SOCS6: variants seen among roughly 807,000 people sequenced by gnomAD.
The protein encoded by SOCS6 is suppressor of cytokine signaling 6, also known as STAT induced STAT inhibitor-4.
A neutral mutation model predicts 27.7 loss-of-function variants in SOCS6; 5 were observed. That is an observed-to-expected ratio of 0.18 (90% CI 0.09 to 0.38). The LOEUF is 0.38. Ranked by LOEUF, SOCS6 falls within the 10% of genes least tolerant of loss-of-function variation. The probability of loss-of-function intolerance (pLI) is 1.00; values close to 1 mark genes in which losing one functional copy is unlikely to be tolerated. For missense variants in SOCS6, 595 were observed against 688.1 expected (o/e 0.86, Z 1.51); for synonymous variants, 271 against 260.0 (o/e 1.04, Z -0.41).
intron 1 of SOCS6, among the ~76,000 whole-genome samples, chr18:70,310,422 T>C (rs989869808): frequency 6.6e-5 from 10 of 151,290 alleles, no homozygotes; most frequent in African/African-American, 2.2e-4. Flanking sequence ...GCTGGGACTA[T>C]AGGTATTCGT....
At chr18:70,307,471 GA>G (rs1042355475) in intron 1 of SOCS6, among the ~76,000 whole-genome samples, 25 of 152,250 alleles carry the variant, frequency 1.6e-4, no homozygotes, top group African/African-American at 6.0e-4. Flanking sequence ...GAAGCCACCC[GA>G]GCCTGACCTT....
intron 1 of SOCS6, among the ~76,000 whole-genome samples, chr18:70,316,375 A>G (rs1442582450): frequency 2.6e-5 from 4 of 152,170 alleles, no homozygotes; most frequent in African/African-American, 9.7e-5. Flanking sequence ...GTTCTTGAAA[A>G]GGAGATGTGT....
chr18:70,301,698 C>A (rs1281024906), intron 1 of SOCS6, among the ~76,000 whole-genome samples: 1 of 152,088 alleles, frequency 6.6e-6, no homozygotes, highest in Admixed American at 6.5e-5. Context: ...GTGTCATGAG[C>A]ATGAGTGAAA....
chr18:70,295,294 C>G lies in SOCS6; in HGVS notation c.-127+6204C>G, dbSNP rs759581730. Among the ~76,000 whole-genome samples, 59 of 152,186 alleles carry G rather than the reference C, an allele frequency of 3.9e-4. 1 individual carries two copies. Among genetic ancestry groups the G allele is most frequent in the Non-Finnish European group, 1.2e-4 (8 of 68,032 alleles). On this transcript the variant is annotated intron_variant, in intron 1 of 1. Transcript: ENST00000397942. Reference sequence around the variant, plus strand: ...AGACAAGGTATTTTTACCCAGCGCTCTGGGTAGCTGATTATTTGGTGCTGT... The same window carrying G: ...AGACAAGGTATTTTTACCCAGCGCTGTGGGTAGCTGATTATTTGGTGCTGT...
At chr18:70,324,302 AAATAAT>A (rs560395562) in intron 1 of SOCS6, among the ~76,000 whole-genome samples, 5 of 150,198 alleles carry the variant, frequency 3.3e-5, no homozygotes, top group African/African-American at 5.0e-5. Context: ...ACTCATCTCA[AAATAAT>A]AATAATAATA....
intron 1 of SOCS6, among the ~76,000 whole-genome samples, chr18:70,307,139 TGTA>T (rs1247229629): frequency 6.6e-6 from 1 of 152,162 alleles, no homozygotes; most frequent in Non-Finnish European, 1.5e-5. Context: ...GGTGCGTGCC[TGTA>T]GTCCCAGCTA....
At chr18:70,302,777 A>T (rs2062354053) in intron 1 of SOCS6, among the ~76,000 whole-genome samples, 1 of 152,200 alleles carries the variant, frequency 6.6e-6, no homozygotes, top group African/African-American at 2.4e-5. Context: ...AGTATAAAAA[A>T]AAAATTTAAG....
intron 1 of SOCS6, among the ~76,000 whole-genome samples, chr18:70,296,867 C>T (rs553334208): frequency 6.7e-6 from 1 of 148,790 alleles, no homozygotes; most frequent in Admixed American, 6.7e-5. Context: ...ATTAAAATGA[C>T]TTTTATAATT....
intron 1 of SOCS6, among the ~76,000 whole-genome samples, chr18:70,292,513 A>AT (rs370169050): frequency 9.9e-5 from 15 of 151,872 alleles, no homozygotes; most frequent in East Asian, 1.9e-4. Flanking sequence ...TGCCCAGCTG[A>AT]TTTTTTTTAA....
chr18:70,321,051 AG>A, intron 1 of SOCS6, among the ~76,000 whole-genome samples: 1 of 152,088 alleles, frequency 6.6e-6, no homozygotes, highest in Admixed American at 6.5e-5. Context: ...CTGAGGTAGG[AG>A]GATTGCTTGA....
intron 1 of SOCS6, among the ~76,000 whole-genome samples, chr18:70,313,462 C>G (rs527946822): frequency 6.6e-6 from 1 of 152,102 alleles, no homozygotes; most frequent in Admixed American, 6.5e-5. Context: ...TTCTGCAGTG[C>G]AAGCCTTCTA....
At chr18:70,293,678 T>C (rs1445463878) in intron 1 of SOCS6, among the ~76,000 whole-genome samples, 1 of 152,120 alleles carries the variant, frequency 6.6e-6, no homozygotes, top group East Asian at 1.9e-4. Context: ...GGGATGCAGA[T>C]CTAGGTTTGA....
chr18:70,303,837 A>G (rs546828938), intron 1 of SOCS6, among the ~76,000 whole-genome samples: 3 of 152,344 alleles, frequency 2.0e-5, no homozygotes, highest in African/African-American at 7.2e-5. Flanking sequence ...CAGGCAATCA[A>G]TACAACCATT....
chr18:70,300,135 T>A (rs1048283782), intron 1 of SOCS6, among the ~76,000 whole-genome samples: 1 of 152,166 alleles, frequency 6.6e-6, no homozygotes, highest in Non-Finnish European at 1.5e-5. Context: ...TTCTTTATTT[T>A]TTTTTTTCCT....
intron 1 of SOCS6, among the ~76,000 whole-genome samples, chr18:70,298,029 T>C (rs2062331880): frequency 6.6e-6 from 1 of 152,230 alleles, no homozygotes; most frequent in African/African-American, 2.4e-5. Context: ...ATCTGAAGGC[T>C]CTGAGAGCAG....
Position 70,290,106 on chromosome 18 carries a change from A to G in SOCS6, c.-127+1016A>G, listed in dbSNP as rs563294466. 2.2e-4 allele frequency among the ~76,000 whole-genome samples: 33 copies of G among 152,362 alleles called. 1 individual carries two copies. Among genetic ancestry groups the G allele is most frequent in the Admixed American group, 1.4e-3 (21 of 15,306 alleles). On this transcript the variant is annotated intron_variant, in intron 1 of 1. Transcript: ENST00000397942. ...ATTCATTTCAACAAATGTTTCTGCA[A>G]CGTCTGCCCGGATAAGGCAGCATGC...
chr18:70,313,806 T>G (rs1383665261), intron 1 of SOCS6, among the ~76,000 whole-genome samples: 1 of 152,246 alleles, frequency 6.6e-6, no homozygotes, highest in Non-Finnish European at 1.5e-5. Flanking sequence ...TTTTAGAATT[T>G]TTCTCTTTTC....
Position 70,325,621 on chromosome 18 carries a change from A to G in SOCS6, c.953A>G (p.Gln318Arg). ...PPLSPLLPPM[Q>R]NNQIQRNFSG... is the part of the protein sequence containing the mutation. ...CTCTCACCATTGCTACCTCCAATGC[A>G]GAATAATCAAATCCAAAGGAACTTC... is the stretch of plus-strand genomic sequence containing the variant. The change falls in exon 2 of 2, where the codon CAG (glutamine) becomes CGG (arginine). Residue 318 changes from glutamine to arginine, a missense_variant. By Grantham distance (43) the Gln-to-Arg change is conservative. Around this residue, in one of 2 missense-constraint regions of SOCS6, gnomAD observed 467 missense variants for 481.1 expected, o/e 0.97. Transcript: ENST00000397942. The surrounding 1 kb of genome is among the most constrained non-coding windows in gnomAD (Gnocchi z 6.3). The G allele has an allele frequency of 3.7e-6, 6 of 1,614,200 alleles. No homozygotes were observed. The highest frequency in any genetic ancestry group is 5.1e-6 in the Non-Finnish European group (6 of 1,180,028).
intron 1 of SOCS6, among the ~76,000 whole-genome samples, chr18:70,317,798 G>T (rs191033084): frequency 6.6e-5 from 10 of 151,840 alleles, no homozygotes; most frequent in African/African-American, 2.2e-4. Flanking sequence ...TTACATTCCC[G>T]CCAACAGTGT....
Sources: allele counts gnomAD v4.1 joint callset (sites outside exome capture counted in the v4.1 genomes callset), GRCh38; gene constraint gnomAD v4.1.1; regional missense constraint gnomAD v4.1.1; non-coding constraint Gnocchi (gnomAD v3.1); transcripts MANE v1.5; gene names NCBI Gene and HGNC (gene_info 2026-07-23, HGNC 2026-07-21).